Variants in TTL observed in about 807,000 individuals in gnomAD.
TTL encodes the protein tubulin tyrosine ligase, also known as tubulin--tyrosine ligase.
Under a neutral mutation model 41.1 loss-of-function variants are expected in TTL, and 10 were observed. The observed-to-expected ratio is 0.24, with a 90% CI of 0.15 to 0.41. The LOEUF (loss-of-function observed/expected upper bound fraction) is 0.41. TTL is among the 10% of genes least tolerant of loss of function. The pLI, the probability that TTL is intolerant of heterozygous loss-of-function variation, is 1.00. For missense variants in TTL, 367 were observed against 460.4 expected (o/e 0.80, Z 1.86); for synonymous variants, 175 against 175.5 (o/e 1.00, Z 0.02).
intron 4 of TTL, among the ~76,000 whole-genome samples, chr2:112,501,835 C>T (rs559819774): frequency 1.2e-4 from 18 of 149,872 alleles, no homozygotes; most frequent in African/African-American, 3.9e-4. Flanking sequence ...CATTGCACTC[C>T]AGCCTGGGTA....
intron 6 of TTL, among the ~76,000 whole-genome samples, chr2:112,524,595 G>C (rs1215793388): frequency 2.0e-5 from 3 of 152,146 alleles, no homozygotes; most frequent in Non-Finnish European, 2.9e-5. Flanking sequence ...GTCTTCTTTT[G>C]AGAAGCGTCT....
In TTL at chr2:112,482,662, GT is replaced by G. The variant is rs924873630; in HGVS notation, c.157+166del. Among the ~76,000 whole-genome samples, 2 of 152,248 alleles carry G rather than the reference GT, an allele frequency of 1.3e-5. No homozygotes were observed. The highest frequency in any genetic ancestry group is 2.4e-5 in the African/African-American group (1 of 41,476). ...GGATTCGGAAAGATCGAAACCTGTCGTTTTTAATGCTTTCTTGTCTCCTAAC... is the reference window on the plus strand; with the variant it reads ...GGATTCGGAAAGATCGAAACCTGTCGTTTTAATGCTTTCTTGTCTCCTAAC... On this transcript the variant is annotated intron_variant, in intron 1 of 6. Transcript: ENST00000233336. This position sits in a 1 kb window ranked among gnomAD's most constrained non-coding sequence, Gnocchi z 5.3.
chr2:112,524,211 T>A (rs1026797286), intron 6 of TTL, among the ~76,000 whole-genome samples: 62 of 152,348 alleles, frequency 4.1e-4, no homozygotes, highest in Middle Eastern at 3.4e-3. Flanking sequence ...ACATTTGGGT[T>A]GGTTCCAAGT....
intron 5 of TTL, among the ~76,000 whole-genome samples, chr2:112,507,704 G>C (rs1177254730): frequency 1.3e-5 from 2 of 149,194 alleles, no homozygotes; most frequent in African/African-American, 5.0e-5. Context: ...TTGAGCCTAT[G>C]TGTGTCTCTG....
chr2:112,529,041 C>T lies in TTL; in HGVS notation c.*246C>T. ...TGAAAACAACTTTGGTACACAAAGG[C>T]AGCTTTGTGAGCAGAGCTCCTTCCC... On this transcript the variant is annotated 3_prime_UTR_variant, in exon 7 of 7. Coordinates refer to ENST00000233336, the MANE Select transcript of TTL (RefSeq NM_153712.5). The T allele has an allele frequency of 1.8e-6, 1 of 544,204 alleles. No homozygotes were observed. Among genetic ancestry groups the T allele is most frequent in the Non-Finnish European group, 3.3e-6 (1 of 302,284 alleles). 33.7% of individuals were successfully genotyped at this position (544,204 alleles called of 1,614,324 possible).
chr2:112,533,029 T>C lies in TTL; in HGVS notation c.*4234T>C, dbSNP rs1213543286. On this transcript the variant is annotated 3_prime_UTR_variant, in exon 7 of 7. Coordinates refer to ENST00000233336, the MANE Select transcript of TTL (RefSeq NM_153712.5). ...CACCTGAGATGCTTAGTCTTGTGGA[T>C]AGAAAGAGTTTCATTAATGCAAATT... 6 of 152,254 alleles carry C rather than the reference T, an allele frequency of 3.9e-5. No homozygotes were observed. Among genetic ancestry groups the C allele is most frequent in the African/African-American group, 1.4e-4 (6 of 41,460 alleles). 9.4% of individuals were successfully genotyped at this position (152,254 alleles called of 1,614,324 possible). A position where few individuals can be genotyped will look rare whatever the true frequency, so the allele number is the denominator to read the frequency against.
In TTL at chr2:112,534,735, A is replaced by C. The variant is rs1026591535; in HGVS notation, c.*5940A>C. 4.6e-5 allele frequency: 7 copies of C among 152,250 alleles called. No individual in the cohort carries two copies. The highest frequency in any genetic ancestry group is 7.3e-5 in the Non-Finnish European group (5 of 68,058). 9.4% of individuals were successfully genotyped at this position (152,250 alleles called of 1,614,324 possible). ...AACAAACAAACTGACCAAAAGACTTAGAAGGAAAAACTGGGAATGAGATTT... is the reference window on the plus strand; with the variant it reads ...AACAAACAAACTGACCAAAAGACTTCGAAGGAAAAACTGGGAATGAGATTT... On this transcript the variant is annotated 3_prime_UTR_variant, in exon 7 of 7. Coordinates refer to ENST00000233336, the MANE Select transcript of TTL (RefSeq NM_153712.5).
chr2:112,514,630 A>G (rs939092306), intron 5 of TTL, among the ~76,000 whole-genome samples: 4 of 151,968 alleles, frequency 2.6e-5, no homozygotes, highest in Non-Finnish European at 5.9e-5. Context: ...TCTCTTCTCT[A>G]TTTTTGAGAT....
At position 112,528,852 on chromosome 2, in the gene TTL, T is replaced by C. The variant is rs1184200567; in HGVS notation, c.*57T>C. On this transcript the variant is annotated 3_prime_UTR_variant, in exon 7 of 7. Coordinates refer to ENST00000233336, the MANE Select transcript of TTL (RefSeq NM_153712.5). ...CACGGGGTCCTGCTCCAGGGAATGG[T>C]GAAATGACTGGATTGCTCTTTATCC... is the stretch of plus-strand genomic sequence containing the variant. 1.8e-5 allele frequency: 24 copies of C among 1,328,102 alleles called. No individual in the cohort carries two copies. Among genetic ancestry groups the C allele is most frequent in the Non-Finnish European group, 2.5e-5 (23 of 920,122 alleles). 82.3% of individuals were successfully genotyped at this position (1,328,102 alleles called of 1,614,324 possible).
intron 6 of TTL, chr2:112,521,185 C>T (rs1319277405): frequency 1.4e-5 from 14 of 985,192 alleles, no homozygotes; most frequent in South Asian, 1.4e-4. Flanking sequence ...AGAGGTGCAG[C>T]GTCCTGTGGG....
rs144678474 is a variant in TTL, at chr2:112,520,369, C to A, written c.963C>A (p.Val321=). Reference sequence around the variant, plus strand: ...AGCTCTTCGGCTTTGACTTCATGGTCGATGAGGAGCTGAAGGTGTGGCTCA... The same window carrying A: ...AGCTCTTCGGCTTTGACTTCATGGTAGATGAGGAGCTGAAGGTGTGGCTCA... ...SFQLFGFDFM[V]DEELKVWLIE... The change falls in exon 6 of 7, where the codon GTC becomes GTA. Residue 321 remains valine, a synonymous_variant. Transcript: ENST00000233336. The A allele has an allele frequency of 6.2e-7, 1 of 1,614,128 alleles. No homozygotes were observed. Among genetic ancestry groups the A allele is most frequent in the African/African-American group, 1.3e-5 (1 of 75,032 alleles).
At chr2:112,490,357 G>A (rs1258096818) in intron 2 of TTL, among the ~76,000 whole-genome samples, 4 of 152,016 alleles carry the variant, frequency 2.6e-5, no homozygotes, top group Non-Finnish European at 5.9e-5. Flanking sequence ...GGCAGAGTTT[G>A]CAGTGAGCCG....
chr2:112,494,002 G>T (rs1034704761), intron 2 of TTL, 141 bp from the exon 3 acceptor site: 7 of 656,372 alleles, frequency 1.1e-5, no homozygotes, highest in African/African-American at 1.8e-5. Flanking sequence ...TGTCCAGGGA[G>T]ACTAAGAGCA....
At chr2:112,519,625 A>G (rs17043174) in intron 5 of TTL, among the ~76,000 whole-genome samples, 8,132 of 149,148 alleles carry the variant, frequency 0.055, 749 homozygotes, top group African/African-American at 0.19. Flanking sequence ...GCAAAAATAC[A>G]TGGAAATGTT....
intron 3 of TTL, 75 bp from the exon 4 acceptor site, chr2:112,501,131 G>C: frequency 2.0e-6 from 3 of 1,485,686 alleles, no homozygotes; most frequent in Non-Finnish European, 2.7e-6. Flanking sequence ...TTTGCTGTTC[G>C]TATTTCCTTT....
At position 112,533,692 on chromosome 2, in the gene TTL, C is replaced by T. The variant is rs1327380037; in HGVS notation, c.*4897C>T. 2 of 152,186 alleles carry T rather than the reference C, an allele frequency of 1.3e-5. No individual in the cohort carries two copies. 9.4% of individuals were successfully genotyped at this position (152,186 alleles called of 1,614,324 possible). On this transcript the variant is annotated 3_prime_UTR_variant, in exon 7 of 7. Transcript: ENST00000233336. ...CATTCCTGTGATAACTAACCCACTC[C>T]TGGCATAACATCATTAATTTATTCA...
In TTL at chr2:112,494,859, CT is replaced by C. The variant is rs145753130; in HGVS notation, c.469+485del. ...TTTCTTGCCGTTTCCCCTGCTTCCC[CT>C]CTAAATCAAAACCCCCATTCTTTTT... On this transcript the variant is annotated intron_variant, in intron 3 of 6. Transcript: ENST00000233336. Among the ~76,000 whole-genome samples the C allele has an allele frequency of 7.6e-3, 1,156 of 152,302 alleles. 14 individuals are homozygous for C. Among genetic ancestry groups the C allele is most frequent in the African/African-American group, 0.026 (1,091 of 41,558 alleles).
chr2:112,487,874 T>A (rs1681282797), intron 2 of TTL, among the ~76,000 whole-genome samples: 1 of 152,236 alleles, frequency 6.6e-6, no homozygotes, highest in Admixed American at 6.5e-5. Flanking sequence ...CATGATTTTG[T>A]ATGGCTTGAA....
chr2:112,518,462 G>T (rs1295607670), intron 5 of TTL, among the ~76,000 whole-genome samples: 5 of 151,644 alleles, frequency 3.3e-5, no homozygotes, highest in Non-Finnish European at 5.9e-5. Flanking sequence ...AGTTTTTAAA[G>T]GTTTAAATGT....
Sources: gnomAD v4.1 joint callset for allele counts (sites outside exome capture counted in the v4.1 genomes callset) on GRCh38, gnomAD v4.1.1 for gene constraint, Gnocchi (gnomAD v3.1) non-coding constraint, MANE v1.5 for transcripts, NCBI Gene and HGNC (gene_info 2026-07-23, HGNC 2026-07-21) for gene names.